Variants in ERICH1 observed in about 807,000 individuals in gnomAD.
ERICH1 encodes the protein glutamate-rich protein 1.
In ERICH1, 56 loss-of-function variants were observed where a neutral mutation model predicts 39.6. That is an observed-to-expected ratio of 1.41 (90% CI 1.14 to 1.77). ERICH1 has a LOEUF of 1.77. ERICH1 is among the 40% of genes most tolerant of loss of function. The pLI, the probability that ERICH1 is intolerant of heterozygous loss-of-function variation, is 0.00. For synonymous variants in ERICH1, 313 were observed against 223.6 expected, an observed-to-expected ratio of 1.40 and a Z score of -3.57; for missense variants, 826 against 575.4, an observed-to-expected ratio of 1.44 and a Z score of -4.45.
At chr8:676,417 CG>C (rs370330940) in intron 3 of ERICH1, among the ~76,000 whole-genome samples, 3 of 18,082 alleles carry the variant, frequency 1.7e-4, no homozygotes, top group African/African-American at 8.6e-4. Context: ...GGCGCCCCCT[CG>C]GCGAGGACAG....
intron 3 of ERICH1, chr8:626,956 C>T (rs1031508550): frequency 5.7e-5 from 21 of 368,744 alleles, no homozygotes; most frequent in South Asian, 2.3e-4. Context: ...AACCCCAACC[C>T]GAGCTGTGCC....
At chr8:657,056 A>AT (rs1262884888) in intron 3 of ERICH1, among the ~76,000 whole-genome samples, 3 of 152,184 alleles carry the variant, frequency 2.0e-5, no homozygotes, top group African/African-American at 7.2e-5. Context: ...ATAAATATGG[A>AT]TTTTTTTATA....
chr8:640,260 C>T (rs1798836246), intron 3 of ERICH1, among the ~76,000 whole-genome samples: 1 of 152,170 alleles, frequency 6.6e-6, no homozygotes, highest in African/African-American at 2.4e-5. Flanking sequence ...AATGTTAATT[C>T]TTTCTATTTT....
At chr8:633,598 C>T (rs144819957) in intron 3 of ERICH1, among the ~76,000 whole-genome samples, 7 of 152,250 alleles carry the variant, frequency 4.6e-5, no homozygotes, top group African/African-American at 1.2e-4. Flanking sequence ...CTAAAAAGAA[C>T]GAAGCTGGAG....
chr8:698,528 A>G, intron 2 of ERICH1, among the ~76,000 whole-genome samples: 1 of 151,816 alleles, frequency 6.6e-6, no homozygotes, highest in South Asian at 2.1e-4. Flanking sequence ...CCTGAATTAC[A>G]TTCCTGCCAG....
intron 3 of ERICH1, among the ~76,000 whole-genome samples, chr8:638,654 T>C (rs904485928): frequency 5.9e-5 from 9 of 152,158 alleles, no homozygotes; most frequent in Admixed American, 2.0e-4. Flanking sequence ...TGCTTGTGGA[T>C]AATTTAAGTT....
At chr8:700,098 GACCCGCACACGCGCACAC>G (rs1811554178) in intron 2 of ERICH1, among the ~76,000 whole-genome samples, 1 of 124,076 alleles carries the variant, frequency 8.1e-6, no homozygotes. Flanking sequence ...CACGCGCACA[GACCCGCACACGCGCACAC>G]ACCCTCACAG....
intron 3 of ERICH1, among the ~76,000 whole-genome samples, chr8:649,701 G>A (rs2117296577): frequency 6.6e-6 from 1 of 152,326 alleles, no homozygotes. Flanking sequence ...GCAGGAGCTG[G>A]AAGACGGGGC....
intron 2 of ERICH1, among the ~76,000 whole-genome samples, chr8:712,582 A>G (rs111912718): frequency 0.018 from 2,726 of 152,282 alleles, 91 homozygotes; most frequent in African/African-American, 0.062. Flanking sequence ...GGTGTGCACC[A>G]CCATGACTGG....
In ERICH1 at chr8:673,630, T is replaced by C; in HGVS notation, c.722A>G (p.Asp241Gly). 2 of 1,557,100 alleles carry C rather than the reference T, an allele frequency of 1.3e-6. No homozygotes were observed. The highest frequency in any genetic ancestry group is 1.8e-6 in the Non-Finnish European group (2 of 1,134,200). ...EEDGADASEE[D>G]LTRARQEEGA... ...CTCTTCCTGCCTGGCCCGTGTCAGG[T>C]CTTCCTCGCTAGCGTCCGCACCATC... The change falls in exon 4 of 6, where the codon GAC becomes GGC. Residue 241 changes from aspartate (D) to glycine (G), a missense_variant. Transcript: ENST00000262109.
chr8:718,608 G>C (rs1816576474), intron 1 of ERICH1, among the ~76,000 whole-genome samples: 1 of 152,236 alleles, frequency 6.6e-6, no homozygotes, highest in Non-Finnish European at 1.5e-5. Context: ...AGTGACAGCT[G>C]ACAGGGGTTT....
At chr8:635,387 A>G (rs1798346964) in intron 3 of ERICH1, among the ~76,000 whole-genome samples, 1 of 152,324 alleles carries the variant, frequency 6.6e-6, no homozygotes, top group East Asian at 1.9e-4. Context: ...GCTTCCCTCC[A>G]AAGTCCCCGC....
intron 1 of ERICH1, among the ~76,000 whole-genome samples, chr8:721,481 G>A (rs188664125): frequency 9.4e-4 from 143 of 152,338 alleles, no homozygotes; most frequent in African/African-American, 3.3e-3. Context: ...GACAAGCGCC[G>A]AGCGTGCGGC....
rs763261084 is a variant in ERICH1, at chr8:673,277, T to TA, written c.1063+11dup. 3 of 1,587,946 alleles carry TA rather than the reference T, an allele frequency of 1.9e-6. No individual in the cohort carries two copies. The highest frequency in any genetic ancestry group is 2.3e-5 in the South Asian group (2 of 88,632). On this transcript the variant is annotated intron_variant, in intron 4 of 5. Transcript: ENST00000262109. ...ATGTCACTATGCAAGAGAAAAACAG[T>TA]AAAAAACATACCGTCATAAAAATAC...
chr8:692,334 C>A (rs928002755), intron 3 of ERICH1, 144 bp downstream of exon 3: 2 of 1,186,798 alleles, frequency 1.7e-6, no homozygotes, highest in East Asian at 5.2e-5. Flanking sequence ...CAAAGGTACA[C>A]CATGTGGTTC....
At chr8:722,590 A>T (rs1817580784) in intron 1 of ERICH1, among the ~76,000 whole-genome samples, 1 of 152,380 alleles carries the variant, frequency 6.6e-6, no homozygotes, top group African/African-American at 2.4e-5. Flanking sequence ...ATTCAATTCT[A>T]AACTCTTCCT....
chr8:623,206 G>C (rs971351567), intron 3 of ERICH1, among the ~76,000 whole-genome samples: 7 of 152,138 alleles, frequency 4.6e-5, no homozygotes, highest in Non-Finnish European at 1.0e-4. Flanking sequence ...CACACCATGA[G>C]TAAATGGAAT....
chr8:694,879 G>T (rs1175749211), intron 2 of ERICH1, among the ~76,000 whole-genome samples: 3 of 152,106 alleles, frequency 2.0e-5, no homozygotes, highest in African/African-American at 4.8e-5. Context: ...CATCTCCTCC[G>T]CCGGACGCAC....
At chr8:668,907 A>C in intron 4 of ERICH1, 115 bp from the exon 5 acceptor site, 1 of 921,970 alleles carries the variant, frequency 1.1e-6, no homozygotes, top group Non-Finnish European at 1.6e-6. Flanking sequence ...ACAGAATGAC[A>C]TATCTGGGAG....
Sources: gnomAD v4.1 joint callset for allele counts (sites outside exome capture counted in the v4.1 genomes callset) on GRCh38, gnomAD v4.1.1 for gene constraint, MANE v1.5 for transcripts, NCBI Gene and HGNC (gene_info 2026-07-23, HGNC 2026-07-21) for gene names.